BMP7: variants seen among roughly 807,000 people sequenced by gnomAD.
The protein encoded by BMP7 is bone morphogenetic protein 7, also known as osteogenic protein 1.
BMP7 carries 12 observed loss-of-function variants against 41.2 expected under a neutral mutation model. The observed-to-expected ratio is 0.29, with a 90% CI of 0.19 to 0.47. The LOEUF (loss-of-function observed/expected upper bound fraction) is 0.47, where lower values mean the gene tolerates loss of function less well. BMP7 is among the 20% of genes least tolerant of loss of function. BMP7 has a pLI of 0.99. For synonymous variants in BMP7, 248 were observed against 250.0 expected (o/e 0.99, Z 0.07); for missense variants, 467 against 606.0 (o/e 0.77, Z 2.41).
intron 1 of BMP7, among the ~76,000 whole-genome samples, chr20:57,250,124 G>A (rs1464146495): frequency 6.6e-6 from 1 of 151,900 alleles, no homozygotes; most frequent in Non-Finnish European, 1.5e-5. Context: ...GGCATGGGCT[G>A]GTCCTCACTT....
rs1016073172 is a variant in BMP7, at chr20:57,261,038, AT to A, written c.418+4666del. 3.6e-4 allele frequency among the ~76,000 whole-genome samples: 55 copies of A among 152,352 alleles called. No individual in the cohort carries two copies. Among genetic ancestry groups the A allele is most frequent in the African/African-American group, 1.2e-3 (48 of 41,590 alleles). On this transcript the variant is annotated intron_variant, in intron 1 of 6. Coordinates refer to ENST00000395863, the MANE Select transcript of BMP7 (RefSeq NM_001719.3). This position sits in a 1 kb window ranked among gnomAD's most constrained non-coding sequence, Gnocchi z 4.1. The stretch of plus-strand genomic sequence containing the variant: ...TGACCTTACCAAATGAGGGAGAGAT[AT>A]TAAAGTGATAGGAGTGATCAATCAA...
rs1464378678 is a variant in BMP7 at position 57,238,326 on chromosome 20, A to G, written c.419-9905T>C. Among the ~76,000 whole-genome samples, 3 of 152,208 alleles carry G rather than the reference A, an allele frequency of 2.0e-5. 1 individual carries two copies. The highest frequency in any genetic ancestry group is 4.4e-5 in the Non-Finnish European group (3 of 68,024). ...TTAAGGCTGAATAATATTCCACTGT[A>G]TGGATGGGCCACATTTTGTTTATTC... On this transcript the variant is annotated intron_variant, in intron 1 of 6. Transcript: ENST00000395863.
chr20:57,251,166 C>G (rs1311897571), intron 1 of BMP7, among the ~76,000 whole-genome samples: 1 of 152,228 alleles, frequency 6.6e-6, no homozygotes, highest in Non-Finnish European at 1.5e-5. Context: ...CAGGCACCAG[C>G]TGCAGGCGGC....
intron 4 of BMP7, among the ~76,000 whole-genome samples, chr20:57,182,133 T>C (rs1183538474): frequency 2.6e-5 from 4 of 152,056 alleles, no homozygotes; most frequent in African/African-American, 9.7e-5. Context: ...TGGAAAATGG[T>C]TTGTTGTGAG....
chr20:57,228,910 T>C lies in BMP7; in HGVS notation c.419-489A>G, dbSNP rs533520381. On this transcript the variant is annotated intron_variant, in intron 1 of 6. Coordinates refer to ENST00000395863, the MANE Select transcript of BMP7 (RefSeq NM_001719.3). The surrounding 1 kb of genome is among the most constrained non-coding windows in gnomAD (Gnocchi z 4.5). The stretch of plus-strand genomic sequence containing the variant: ...ACAAATAGTTTAACATCTGCTAGGG[T>C]TGGATAACTGTTAGCTATTGTTGGT... Among the ~76,000 whole-genome samples, 14 of 152,202 alleles carry C rather than the reference T, an allele frequency of 9.2e-5. No homozygotes were observed. Among genetic ancestry groups the C allele is most frequent in the Non-Finnish European group, 1.6e-4 (11 of 68,026 alleles).
intron 4 of BMP7, among the ~76,000 whole-genome samples, chr20:57,182,103 G>A (rs1014409124): frequency 6.6e-6 from 1 of 152,252 alleles, no homozygotes; most frequent in African/African-American, 2.4e-5. Flanking sequence ...GATCTGGGAG[G>A]TGTCACCCCT....
chr20:57,264,166 T>C (rs1034406976), intron 1 of BMP7, among the ~76,000 whole-genome samples: 2 of 152,218 alleles, frequency 1.3e-5, no homozygotes, highest in African/African-American at 4.8e-5. Context: ...ATTTAGTTAT[T>C]ATTAAGTACA....
chr20:57,246,309 GA>G (rs761041150), intron 1 of BMP7, among the ~76,000 whole-genome samples: 1 of 152,180 alleles, frequency 6.6e-6, no homozygotes, highest in Non-Finnish European at 1.5e-5. Flanking sequence ...AGCTCTTTGG[GA>G]AAATATACCA....
At chr20:57,199,750 T>G (rs1239521720) in intron 3 of BMP7, among the ~76,000 whole-genome samples, 4 of 152,076 alleles carry the variant, frequency 2.6e-5, no homozygotes, top group Non-Finnish European at 5.9e-5. Flanking sequence ...AACTGGCCAT[T>G]ATACACTTTG....
At chr20:57,232,684 A>T (rs778015572) in intron 1 of BMP7, among the ~76,000 whole-genome samples, 1 of 152,188 alleles carries the variant, frequency 6.6e-6, no homozygotes, top group African/African-American at 2.4e-5. Flanking sequence ...TCTTGCAAAC[A>T]TTTGTGGGCT....
At chr20:57,249,760 G>A (rs2066104857) in intron 1 of BMP7, among the ~76,000 whole-genome samples, 1 of 152,192 alleles carries the variant, frequency 6.6e-6, no homozygotes, top group African/African-American at 2.4e-5. Flanking sequence ...TTGGTCTACT[G>A]TCATGTTCAC....
intron 3 of BMP7, 113 bp downstream of exon 3, chr20:57,202,362 T>C: frequency 7.1e-7 from 1 of 1,408,398 alleles, no homozygotes; most frequent in African/African-American, 1.4e-5. Context: ...GAGTACTGGT[T>C]GGGAGGGGCG....
intron 1 of BMP7, among the ~76,000 whole-genome samples, chr20:57,231,229 C>T (rs2066028381): frequency 6.6e-6 from 1 of 152,190 alleles, no homozygotes; most frequent in African/African-American, 2.4e-5. Context: ...TCCACGTCAC[C>T]GTGCATGTTC....
chr20:57,203,018 C>T (rs936637064), intron 2 of BMP7, among the ~76,000 whole-genome samples: 1 of 152,096 alleles, frequency 6.6e-6, no homozygotes, highest in South Asian at 2.1e-4. Flanking sequence ...GTCCCACGGG[C>T]TCAACACTAC....
At chr20:57,265,216 G>T (rs570309123) in intron 1 of BMP7, among the ~76,000 whole-genome samples, 1 of 152,346 alleles carries the variant, frequency 6.6e-6, no homozygotes, top group South Asian at 2.1e-4. Context: ...GCTAAGGCGG[G>T]CGCACCACGA....
chr20:57,173,994 A>C (rs1983867543), intron 5 of BMP7, among the ~76,000 whole-genome samples: 1 of 152,200 alleles, frequency 6.6e-6, no homozygotes. Context: ...ATGCTTAAGC[A>C]CATGGAATCT....
intron 1 of BMP7, among the ~76,000 whole-genome samples, chr20:57,238,095 A>T (rs2066054540): frequency 6.6e-6 from 1 of 152,152 alleles, no homozygotes. Context: ...CTCTGTCCCC[A>T]TTAAACACTA....
chr20:57,219,002 G>A (rs1033654278), intron 2 of BMP7, among the ~76,000 whole-genome samples: 3 of 150,732 alleles, frequency 2.0e-5, no homozygotes, highest in Admixed American at 6.6e-5. Flanking sequence ...AGCTGGGTTT[G>A]TTTGGTGGTA....
At chr20:57,245,079 G>A (rs1418885554) in intron 1 of BMP7, among the ~76,000 whole-genome samples, 1 of 152,052 alleles carries the variant, frequency 6.6e-6, no homozygotes, top group Non-Finnish European at 1.5e-5. Flanking sequence ...TCTGTCCCTG[G>A]ACCACAGTAA....
Sources: gnomAD v4.1 joint callset for allele counts (sites outside exome capture counted in the v4.1 genomes callset) on GRCh38, gnomAD v4.1.1 for gene constraint, Gnocchi (gnomAD v3.1) non-coding constraint, MANE v1.5 for transcripts, NCBI Gene and HGNC (gene_info 2026-07-23, HGNC 2026-07-21) for gene names.